Variants in PDE3A observed in about 807,000 individuals in gnomAD.
The protein encoded by PDE3A is phosphodiesterase 3A.
Under a neutral mutation model 98.3 loss-of-function variants are expected in PDE3A, and 43 were observed. The observed-to-expected ratio is 0.44, with a 90% CI of 0.34 to 0.56. The LOEUF is 0.56. PDE3A is among the 20% of genes least tolerant of loss of function. The pLI is 0.01. For missense variants in PDE3A, 1,427 were observed against 1,440.7 expected, an observed-to-expected ratio of 0.99 and a Z score of 0.15; for synonymous variants, 663 against 567.9, an observed-to-expected ratio of 1.17 and a Z score of -2.38.
In PDE3A at chr12:20,687,939, T is replaced by TAAAAAAAAAAAAAAA; in HGVS notation, c.*7668_*7669insAAAAAAAAAAAAAAA. On this transcript the variant is annotated 3_prime_UTR_variant, in exon 16 of 16. Coordinates refer to ENST00000359062, the MANE Select transcript of PDE3A (RefSeq NM_000921.5). Reference sequence around the variant, plus strand: ...GAAAAAAAAAAAAAAAAAAAAAAACTGGCATTGGCAAGTTTTAATTAATAT... The same window carrying TAAAAAAAAAAAAAAA: ...GAAAAAAAAAAAAAAAAAAAAAAACTAAAAAAAAAAAAAAAGGCATTGGCAAGTTTTAATTAATAT... 1.1e-5 allele frequency among the ~76,000 whole-genome samples: 1 copy of TAAAAAAAAAAAAAAA among 87,234 alleles called. No homozygotes were observed. The highest frequency in any genetic ancestry group is 4.4e-5 in the African/African-American group (1 of 22,610). 57.2% of individuals were successfully genotyped at this position (87,234 alleles called of 152,430 possible). A position where few individuals can be genotyped will look rare whatever the true frequency, so the allele number is the denominator to read the frequency against.
chr12:20,637,437 C>T (rs1944542978), intron 9 of PDE3A, among the ~76,000 whole-genome samples, 200 bp downstream of exon 9: 1 of 148,156 alleles, frequency 6.7e-6, no homozygotes, highest in Non-Finnish European at 1.5e-5. Flanking sequence ...TCATATTCTA[C>T]AATTAAAATA....
chr12:20,664,818 T>C (rs1945268123), intron 15 of PDE3A, among the ~76,000 whole-genome samples: 1 of 152,186 alleles, frequency 6.6e-6, no homozygotes, highest in Admixed American at 6.5e-5. Flanking sequence ...CTCAGGTATG[T>C]CTTTATCAGC....
At chr12:20,507,428 A>G (rs1313066862) in intron 1 of PDE3A, among the ~76,000 whole-genome samples, 1 of 152,062 alleles carries the variant, frequency 6.6e-6, no homozygotes, top group East Asian at 1.9e-4. Context: ...ATGTTAATTG[A>G]CCAGTGAATG....
At chr12:20,575,452 T>C (rs10841564) in intron 2 of PDE3A, among the ~76,000 whole-genome samples, 17,897 of 151,976 alleles carry the variant, frequency 0.12, 1,173 homozygotes, top group Middle Eastern at 0.21. Context: ...TACAGAAAAA[T>C]AAATTTTAAC....
chr12:20,446,108 C>G (rs1040594201), intron 1 of PDE3A, among the ~76,000 whole-genome samples: 4 of 152,118 alleles, frequency 2.6e-5, no homozygotes, highest in East Asian at 1.9e-4. Context: ...CCTTTCTCCC[C>G]CAACGTGCCT....
chr12:20,429,032 A>G lies in PDE3A; in HGVS notation c.960+58788A>G, dbSNP rs180965703. ...CTCTTCATTTACTGAGAAAATTTCA[A>G]TGTTTTTACATACGTACACAACACT... is the stretch of plus-strand genomic sequence containing the variant. On this transcript the variant is annotated intron_variant, in intron 1 of 15. Coordinates refer to ENST00000359062, the MANE Select transcript of PDE3A (RefSeq NM_000921.5). Among the ~76,000 whole-genome samples the G allele has an allele frequency of 2.6e-3, 393 of 152,360 alleles. 2 individuals are homozygous for G. Among genetic ancestry groups the G allele is most frequent in the Non-Finnish European group, 4.6e-3 (312 of 68,036 alleles).
intron 15 of PDE3A, among the ~76,000 whole-genome samples, chr12:20,659,133 A>C (rs925756102): frequency 1.3e-5 from 2 of 152,082 alleles, no homozygotes; most frequent in Admixed American, 1.3e-4. Flanking sequence ...GTTTGAGTCC[A>C]TCTCATGAAG....
intron 15 of PDE3A, among the ~76,000 whole-genome samples, chr12:20,654,770 C>G (rs1228654709): frequency 2.0e-5 from 3 of 151,544 alleles, no homozygotes; most frequent in Admixed American, 1.3e-4. Flanking sequence ...CCTCGACCTC[C>G]CAAAGTGCTG....
chr12:20,663,828 A>T (rs2120357906), intron 15 of PDE3A, among the ~76,000 whole-genome samples: 1 of 152,298 alleles, frequency 6.6e-6, no homozygotes. Flanking sequence ...ACTTTTGGAA[A>T]GGCAAGATTG....
Position 20,681,238 on chromosome 12 carries a change from A to G in PDE3A, c.*967A>G, listed in dbSNP as rs547185728. ...CCTAATGAATGTATAGGAACTGTCT[A>G]TGAGTATGGATGTCACTCAACTAAG... is the stretch of plus-strand genomic sequence containing the variant. On this transcript the variant is annotated 3_prime_UTR_variant, in exon 16 of 16. Transcript: ENST00000359062. 6 of 152,294 alleles carry G rather than the reference A, an allele frequency of 3.9e-5. No homozygotes were observed. In the East Asian group the frequency reaches 1.2e-3, roughly 29 times the overall value. 9.4% of individuals were successfully genotyped at this position (152,294 alleles called of 1,614,324 possible).
intron 2 of PDE3A, chr12:20,571,979 A>G (rs373465735): frequency 8.4e-6 from 9 of 1,070,716 alleles, no homozygotes; most frequent in East Asian, 1.9e-4. Flanking sequence ...CATTTAACCT[A>G]CTTCACTATT....
At chr12:20,508,830 G>T (rs1946165391) in intron 1 of PDE3A, among the ~76,000 whole-genome samples, 1 of 151,026 alleles carries the variant, frequency 6.6e-6, no homozygotes. Flanking sequence ...AAAAATCTGG[G>T]TTTCTGGGTT....
In PDE3A at chr12:20,590,672, T is replaced by A. The variant is rs538818302; in HGVS notation, c.1012-22771T>A. On this transcript the variant is annotated intron_variant, in intron 2 of 15. Transcript: ENST00000359062. ...AAGGAAAAGGAAAGAAAGAAAACAA[T>A]CTAAATGGTCAGAGTGATGGGAATT... is the stretch of plus-strand genomic sequence containing the variant. Among the ~76,000 whole-genome samples, 4 of 151,542 alleles carry A rather than the reference T, an allele frequency of 2.6e-5. No homozygotes were observed. In the South Asian group the frequency reaches 8.4e-4, roughly 32 times the overall value.
chr12:20,540,998 C>T (rs1941885089), intron 1 of PDE3A, among the ~76,000 whole-genome samples: 1 of 142,830 alleles, frequency 7.0e-6, no homozygotes, highest in Non-Finnish European at 1.5e-5. Flanking sequence ...TTTTCCGTTT[C>T]AATATATAAT....
chr12:20,633,759 T>G lies in PDE3A; in HGVS notation c.1827T>G (p.Thr609=). 1 of 1,603,180 alleles carries G rather than the reference T, an allele frequency of 6.2e-7. No homozygotes were observed. Among genetic ancestry groups the G allele is most frequent in the East Asian group, 2.2e-5 (1 of 44,748 alleles). ...CCCTGGAGAGAAGTGGGGTAGCCAC[T>G]CGGACACCAAGTAGAACAGGTAATT... is the stretch of plus-strand genomic sequence containing the variant. ...DEPLERSGVA[T]RTPSRTDDTA... The change falls in exon 7 of 16, where the codon ACT becomes ACG. Residue 609 remains threonine, a synonymous_variant. Transcript: ENST00000359062.
chr12:20,613,373 C>A, intron 2 of PDE3A, 70 bp from the exon 3 acceptor site: 2 of 1,447,340 alleles, frequency 1.4e-6, no homozygotes, highest in Non-Finnish European at 9.6e-7. Flanking sequence ...GTGAAAAAGT[C>A]CAAATTAATG....
chr12:20,369,208 TGTG>T lies in PDE3A; in HGVS notation c.-76_-74del. ...GTGCGTGCGTGTGTGTGTGTGTGTG[TGTG>T]CGCGCGCGCGCGTGGGTCGGGGCGG... On this transcript the variant is annotated 5_prime_UTR_variant, in exon 1 of 16. Coordinates refer to ENST00000359062, the MANE Select transcript of PDE3A (RefSeq NM_000921.5). 4.9e-6 allele frequency: 4 copies of T among 824,284 alleles called. No homozygotes were observed. Among genetic ancestry groups the T allele is most frequent in the Non-Finnish European group, 7.2e-6 (4 of 558,728 alleles). The allele number at this position is 824,284 out of a possible 1,614,324, so 51.1% of individuals were successfully genotyped here.
chr12:20,465,009 A>G (rs1945315956), intron 1 of PDE3A, among the ~76,000 whole-genome samples: 1 of 152,228 alleles, frequency 6.6e-6, no homozygotes, highest in South Asian at 2.1e-4. Flanking sequence ...AATTCTAAAA[A>G]TGAAATTAGA....
intron 1 of PDE3A, among the ~76,000 whole-genome samples, chr12:20,408,071 C>A (rs1235483259): frequency 1.3e-5 from 2 of 152,038 alleles, no homozygotes; most frequent in Non-Finnish European, 2.9e-5. Flanking sequence ...CAGGTGCGCG[C>A]CACCACGCCC....
Sources: allele counts gnomAD v4.1 joint callset (sites outside exome capture counted in the v4.1 genomes callset), GRCh38; gene constraint gnomAD v4.1.1; transcripts MANE v1.5; gene names NCBI Gene and HGNC (gene_info 2026-07-23, HGNC 2026-07-21).